RPSA2: variants seen among roughly 807,000 people sequenced by gnomAD.
RPSA2 encodes the protein ribosomal protein SA 2.
chr19:23,855,567 G>A, the RPSA2 span, among the ~76,000 whole-genome samples: 2,608 of 152,290 alleles, frequency 0.017, 35 homozygotes, highest in Middle Eastern at 0.065. Context: ...GAAGTTTCAA[G>A]AGCAGGAACA....
chr19:23,867,508 A>C, the RPSA2 span, among the ~76,000 whole-genome samples: 1 of 147,846 alleles, frequency 6.8e-6, no homozygotes, highest in African/African-American at 2.5e-5. Flanking sequence ...GGAAACCCTA[A>C]CCCAATATCA....
chr19:23,758,709 C>T, the RPSA2 span: 2 of 1,614,218 alleles, frequency 1.2e-6, no homozygotes, highest in Non-Finnish European at 1.7e-6. Flanking sequence ...GCCACAGCCC[C>T]TTCCCCTCTC....
the RPSA2 span, among the ~76,000 whole-genome samples, chr19:23,839,737 C>T: frequency 6.6e-6 from 1 of 152,164 alleles, no homozygotes; most frequent in Non-Finnish European, 1.5e-5. Context: ...TCCTGTGGTG[C>T]CAGGCAGGAA....
At chr19:23,763,632 C>T in the RPSA2 span, among the ~76,000 whole-genome samples, 2 of 152,114 alleles carry the variant, frequency 1.3e-5, no homozygotes, top group Non-Finnish European at 2.9e-5. Flanking sequence ...CCCCGCCTGG[C>T]TAATTTTTGT....
the RPSA2 span, among the ~76,000 whole-genome samples, chr19:23,850,068 T>C: frequency 1.3e-5 from 2 of 152,096 alleles, no homozygotes; most frequent in African/African-American, 2.4e-5. Flanking sequence ...AGGAGGGTAT[T>C]TATAACCCCT....
At chr19:23,852,116 G>A in the RPSA2 span, among the ~76,000 whole-genome samples, 3 of 152,196 alleles carry the variant, frequency 2.0e-5, no homozygotes, top group Non-Finnish European at 1.5e-5. Context: ...GGCTGAGACA[G>A]CTGTACCCTA....
At chr19:23,762,205 C>G in the RPSA2 span, among the ~76,000 whole-genome samples, 3 of 151,140 alleles carry the variant, frequency 2.0e-5, no homozygotes, top group Admixed American at 1.3e-4. Context: ...CGTGAGCCAC[C>G]GTGCCCGGCC....
At chr19:23,819,013 G>A in the RPSA2 span, 1 of 151,802 alleles carries the variant, frequency 6.6e-6, no homozygotes, top group South Asian at 2.1e-4. Flanking sequence ...CTTTAACGTG[G>A]TTAAAGGGAA....
At chr19:23,800,034 T>C in the RPSA2 span, among the ~76,000 whole-genome samples, 23 of 147,774 alleles carry the variant, frequency 1.6e-4, no homozygotes, top group East Asian at 1.8e-3. Context: ...TTTCTTTTTT[T>C]TTTTTTTTTT....
At chr19:23,788,789 A>T in the RPSA2 span, among the ~76,000 whole-genome samples, 2 of 152,126 alleles carry the variant, frequency 1.3e-5, no homozygotes, top group African/African-American at 4.8e-5. Context: ...GGCCCTGCCC[A>T]CAGGTGGCCT....
the RPSA2 span, among the ~76,000 whole-genome samples, chr19:23,773,626 T>A: frequency 6.6e-6 from 1 of 152,096 alleles, no homozygotes. Flanking sequence ...ATAGCATACA[T>A]CATCATTTTC....
the RPSA2 span, among the ~76,000 whole-genome samples, chr19:23,859,088 G>C: frequency 4.6e-5 from 7 of 152,122 alleles, no homozygotes; most frequent in Admixed American, 6.5e-5. Flanking sequence ...CTTGACATGA[G>C]ATGATGTATC....
At chr19:23,773,295 T>TC in the RPSA2 span, among the ~76,000 whole-genome samples, 1 of 149,600 alleles carries the variant, frequency 6.7e-6, no homozygotes, top group Non-Finnish European at 1.5e-5. Context: ...TATCAAATTT[T>TC]TTTTTTTTAA....
the RPSA2 span, among the ~76,000 whole-genome samples, chr19:23,813,730 C>CTTTTTTTTTTT: frequency 2.9e-5 from 4 of 136,786 alleles, no homozygotes; most frequent in South Asian, 2.3e-4. Context: ...ACACGGGTTT[C>CTTTTTTTTTTT]TTTTTTTTTT....
At chr19:23,759,856 A>T in the RPSA2 span, among the ~76,000 whole-genome samples, 1 of 152,040 alleles carries the variant, frequency 6.6e-6, no homozygotes, top group Non-Finnish European at 1.5e-5. Context: ...AAATAAACAG[A>T]CACAAAAGCA....
At chr19:23,845,463 C>T in the RPSA2 span, among the ~76,000 whole-genome samples, 3 of 151,706 alleles carry the variant, frequency 2.0e-5, no homozygotes, top group African/African-American at 7.3e-5. Context: ...TTTCTATTTC[C>T]ATCTTTTTTC....
the RPSA2 span, among the ~76,000 whole-genome samples, chr19:23,815,967 G>A: frequency 7.0e-6 from 1 of 142,336 alleles, no homozygotes; most frequent in Non-Finnish European, 1.5e-5. Flanking sequence ...ATACACAATT[G>A]TAGTTACTAT....
At chr19:23,764,361 T>A in the RPSA2 span, among the ~76,000 whole-genome samples, 1 of 152,370 alleles carries the variant, frequency 6.6e-6, no homozygotes, top group Middle Eastern at 3.4e-3. Context: ...CTCTCTCCAA[T>A]TTACAACACT....
chr19:23,785,345 C>G, the RPSA2 span, among the ~76,000 whole-genome samples: 2 of 152,192 alleles, frequency 1.3e-5, no homozygotes, highest in African/African-American at 4.8e-5. Flanking sequence ...CTAGCCCCAA[C>G]ACCTATAAAA....
Sources: allele counts gnomAD v4.1 joint callset (sites outside exome capture counted in the v4.1 genomes callset), GRCh38; gene constraint gnomAD v4.1.1; transcripts MANE v1.5; gene names NCBI Gene and HGNC (gene_info 2026-07-23, HGNC 2026-07-21).